The following EXD1 variants were observed in gnomAD, a reference collection of about 807,000 sequenced individuals.
The protein encoded by EXD1 is piRNA biogenesis protein EXD1.
EXD1 carries 63 observed loss-of-function variants against 49.1 expected under a neutral mutation model. That is an observed-to-expected ratio of 1.28 (90% CI 1.05 to 1.58). EXD1 has a LOEUF of 1.58. EXD1 is among the 40% of genes most tolerant of loss of function. The pLI, the probability that EXD1 is intolerant of heterozygous loss-of-function variation, is 0.00. For synonymous variants in EXD1, 234 were observed against 239.2 expected, an observed-to-expected ratio of 0.98 and a Z score of 0.20; for missense variants, 748 against 666.0, an observed-to-expected ratio of 1.12 and a Z score of -1.36.
At chr15:41,217,641 C>T (rs940381770) in intron 3 of EXD1, among the ~76,000 whole-genome samples, 7 of 151,636 alleles carry the variant, frequency 4.6e-5, no homozygotes, top group African/African-American at 1.5e-4. Flanking sequence ...GGTGATACTC[C>T]TGCCTCAGCC....
At chr15:41,194,563 C>T (rs1456954604) in intron 9 of EXD1, among the ~76,000 whole-genome samples, 2 of 152,202 alleles carry the variant, frequency 1.3e-5, no homozygotes, top group Non-Finnish European at 2.9e-5. Context: ...TTCAAGACTT[C>T]TGACCCTAAA....
At chr15:41,187,813 C>T (rs147880644) in intron 11 of EXD1, among the ~76,000 whole-genome samples, 177 of 151,908 alleles carry the variant, frequency 1.2e-3, no homozygotes, top group African/African-American at 3.9e-3. Flanking sequence ...GTCAGGAGTT[C>T]GAGACCAGTC....
chr15:41,223,864 C>CAAAAAAAAA (rs1437567057), intron 2 of EXD1, among the ~76,000 whole-genome samples: 2 of 148,352 alleles, frequency 1.3e-5, no homozygotes, highest in East Asian at 3.9e-4. Flanking sequence ...GACTCTGTTT[C>CAAAAAAAAA]AAAAAAAAAG....
intron 6 of EXD1, among the ~76,000 whole-genome samples, chr15:41,215,150 A>T (rs943528593): frequency 1.3e-5 from 2 of 152,202 alleles, no homozygotes; most frequent in Non-Finnish European, 2.9e-5. Context: ...CACATAAAAT[A>T]GGACCTCCTT....
chr15:41,186,470 C>CAAAAAAATAAAAA (rs2046409453), intron 11 of EXD1, among the ~76,000 whole-genome samples: 1 of 68,286 alleles, frequency 1.5e-5, no homozygotes, highest in East Asian at 5.7e-4. Context: ...GACTCTGTCT[C>CAAAAAAATAAAAA]AAAAAAAAAA....
intron 7 of EXD1, among the ~76,000 whole-genome samples, chr15:41,205,350 T>C (rs1303457037): frequency 6.6e-6 from 1 of 152,202 alleles, no homozygotes; most frequent in Non-Finnish European, 1.5e-5. Flanking sequence ...TGTTTGTTTG[T>C]TTGTTTTTTG....
At chr15:41,196,312 A>ATTTTTTTT (rs572843554) in intron 7 of EXD1, among the ~76,000 whole-genome samples, 2 of 108,144 alleles carry the variant, frequency 1.8e-5, no homozygotes, top group African/African-American at 7.9e-5. Context: ...CGCCCAGCTA[A>ATTTTTTTT]TTTTTTTTTT....
intron 1 of EXD1, 66 bp downstream of exon 1, chr15:41,230,413 A>C: frequency 6.5e-7 from 1 of 1,529,742 alleles, no homozygotes; most frequent in Non-Finnish European, 9.1e-7. Context: ...ACAATACACC[A>C]TGAGAATAAA....
At chr15:41,200,914 G>A (rs1333679516) in intron 7 of EXD1, among the ~76,000 whole-genome samples, 2 of 150,764 alleles carry the variant, frequency 1.3e-5, no homozygotes, top group African/African-American at 2.4e-5. Context: ...TTGCTCTGTC[G>A]CCAGGCTGAA....
At chr15:41,199,741 C>A (rs12902166) in intron 7 of EXD1, among the ~76,000 whole-genome samples, 2 of 32,858 alleles carry the variant, frequency 6.1e-5, no homozygotes, top group African/African-American at 9.4e-5. Flanking sequence ...ATATATATGT[C>A]ATATATTATA....
chr15:41,184,562 A>G lies in EXD1; in HGVS notation c.1088T>C (p.Leu363Pro), dbSNP rs2046376136. Residue 363 changes from leucine (L) to proline (P), a missense_variant, in exon 12 of 12, where the codon CTT becomes CCT. Physicochemically the swap from Leu to Pro is moderately conservative, Grantham distance 98. Coordinates refer to ENST00000458580, the MANE Select transcript of EXD1 (RefSeq NM_001286441.2). ...PTCMELPEELLQLKDFQKQRR... is the reference protein window; with the variant it reads ...PTCMELPEELPQLKDFQKQRR... ...CTGCTTCTGGAAGTCCTTGAGTTGAAGCAGTTCCTCTGGCAGCTCCATACA... is the reference window on the plus strand; with the variant it reads ...CTGCTTCTGGAAGTCCTTGAGTTGAGGCAGTTCCTCTGGCAGCTCCATACA... The G allele has an allele frequency of 6.2e-7, 1 of 1,603,376 alleles. No homozygotes were observed. Among genetic ancestry groups the G allele is most frequent in the Non-Finnish European group, 8.5e-7 (1 of 1,177,124 alleles).
intron 7 of EXD1, among the ~76,000 whole-genome samples, chr15:41,207,596 GT>G (rs989305452): frequency 4.0e-5 from 6 of 151,228 alleles, no homozygotes; most frequent in South Asian, 2.1e-4. Flanking sequence ...GGAGTGGAGG[GT>G]TTTTTTTTCT....
Position 41,191,489 on chromosome 15 carries a change from CT to C in EXD1, c.816del (p.Ala273ProfsTer8). On this transcript the variant is annotated frameshift_variant, in exon 10 of 12. Coordinates refer to ENST00000458580, the MANE Select transcript of EXD1 (RefSeq NM_001286441.2). LOFTEE classifies it high-confidence loss of function. ...TCTAGAAAGGAGAGATATTTAGGGG[CT>C]ACTTGAAGGTGTTTGATTAAACTCT... Reference protein sequence around the residue: ...LQESLIKHLQVAPKYLSFLEK... With the variant: ...LQESLIKHLQXAPKYLSFLEK... The C allele has an allele frequency of 6.2e-7, 1 of 1,613,140 alleles. No individual in the cohort carries two copies. Among genetic ancestry groups the C allele is most frequent in the Non-Finnish European group, 8.5e-7 (1 of 1,179,218 alleles).
chr15:41,197,073 C>T (rs994165632), intron 7 of EXD1, among the ~76,000 whole-genome samples: 1 of 152,100 alleles, frequency 6.6e-6, no homozygotes, highest in African/African-American at 2.4e-5. Context: ...AATCTGCCTG[C>T]CTTGGCCTTC....
In EXD1 at chr15:41,230,638, C is replaced by T; in HGVS notation, c.-213G>A. 1 of 1,349,888 alleles carries T rather than the reference C, an allele frequency of 7.4e-7. No homozygotes were observed. Among genetic ancestry groups the T allele is most frequent in the Non-Finnish European group, 1.0e-6 (1 of 965,458 alleles). The allele number at this position is 1,349,888 out of a possible 1,614,324, so 83.6% of individuals were successfully genotyped here. On this transcript the variant is annotated 5_prime_UTR_variant, in exon 1 of 12. Coordinates refer to ENST00000458580, the MANE Select transcript of EXD1 (RefSeq NM_001286441.2). Reference sequence around the variant, plus strand: ...CAATGAAGGAAGAAGTCTCGGGACGCTCCACGCCACCCGGCGGCGGTTATC... The same window carrying T: ...CAATGAAGGAAGAAGTCTCGGGACGTTCCACGCCACCCGGCGGCGGTTATC...
intron 1 of EXD1, 115 bp downstream of exon 1, chr15:41,230,364 T>C: frequency 2.7e-6 from 3 of 1,111,604 alleles, no homozygotes; most frequent in Non-Finnish European, 4.0e-6. Context: ...ATTACAGGCG[T>C]GAGCCACCGT....
chr15:41,230,242 C>T (rs1172981791), intron 1 of EXD1, among the ~76,000 whole-genome samples: 2 of 151,904 alleles, frequency 1.3e-5, no homozygotes, highest in Non-Finnish European at 2.9e-5. Flanking sequence ...CGGCACCACA[C>T]CCGGATAATT....
At chr15:41,201,465 A>ATGCT (rs1315564279) in intron 7 of EXD1, among the ~76,000 whole-genome samples, 1 of 148,974 alleles carries the variant, frequency 6.7e-6, no homozygotes, top group African/African-American at 2.5e-5. Flanking sequence ...GATCAATTTT[A>ATGCT]TATAATTTAA....
chr15:41,223,864 C>CAAAAAAAAAAAAAAAAA (rs1437567057), intron 2 of EXD1, among the ~76,000 whole-genome samples: 1 of 148,242 alleles, frequency 6.7e-6, no homozygotes, highest in East Asian at 2.0e-4. Context: ...GACTCTGTTT[C>CAAAAAAAAAAAAAAAAA]AAAAAAAAAG....
Sources: allele counts gnomAD v4.1 joint callset (sites outside exome capture counted in the v4.1 genomes callset), GRCh38; gene constraint gnomAD v4.1.1; transcripts MANE v1.5; gene names NCBI Gene and HGNC (gene_info 2026-07-23, HGNC 2026-07-21).